Variants in CELF4 observed in about 807,000 individuals in gnomAD.
CELF4 encodes the protein CUG-BP- and ETR-3-like factor 4.
In CELF4, 18 loss-of-function variants were observed where a neutral mutation model predicts 59.9. The observed-to-expected ratio is 0.30, with a 90% confidence interval of 0.21 to 0.45. CELF4 has a LOEUF of 0.45. Among genes scored for constraint, CELF4 ranks in the 20% least tolerant of loss-of-function variants. CELF4 has a pLI of 1.00. For missense variants in CELF4, 456 were observed against 689.0 expected, an observed-to-expected ratio of 0.66 and a Z score of 3.79; for synonymous variants, 261 against 267.1, an observed-to-expected ratio of 0.98 and a Z score of 0.22.
chr18:37,413,331 T>A (rs1229436694), intron 2 of CELF4, among the ~76,000 whole-genome samples: 1 of 152,180 alleles, frequency 6.6e-6, no homozygotes, highest in Non-Finnish European at 1.5e-5. Context: ...TGTTCACCTA[T>A]GTCGGTGAGC....
intron 3 of CELF4, among the ~76,000 whole-genome samples, chr18:37,286,978 T>A (rs1035092459): frequency 2.0e-5 from 3 of 152,110 alleles, no homozygotes; most frequent in African/African-American, 7.2e-5. Flanking sequence ...AGTCCTGCCC[T>A]GTAGCACCAG....
intron 12 of CELF4, among the ~76,000 whole-genome samples, chr18:37,247,720 A>C (rs2062937030): frequency 6.6e-6 from 1 of 151,886 alleles, no homozygotes; most frequent in Non-Finnish European, 1.5e-5. Context: ...CAGAAGCAGA[A>C]CCTCACACAG....
chr18:37,335,998 C>T (rs2097760333), intron 2 of CELF4, among the ~76,000 whole-genome samples: 1 of 152,156 alleles, frequency 6.6e-6, no homozygotes, highest in South Asian at 2.1e-4. Flanking sequence ...AACTCTATTC[C>T]AGCCATTCAT....
chr18:37,514,158 G>A (rs1366751123), intron 1 of CELF4, among the ~76,000 whole-genome samples: 1 of 152,106 alleles, frequency 6.6e-6, no homozygotes, highest in African/African-American at 2.4e-5. Context: ...CCTGTACCCT[G>A]ACCCATCTCA....
chr18:37,274,658 TG>T, intron 5 of CELF4, 146 bp downstream of exon 5: 1 of 1,484,076 alleles, frequency 6.7e-7, no homozygotes, highest in Admixed American at 2.4e-5. Flanking sequence ...TTAACATCCC[TG>T]GGCTTCCGCG....
chr18:37,411,844 G>A (rs745487194), intron 2 of CELF4, among the ~76,000 whole-genome samples: 2 of 152,214 alleles, frequency 1.3e-5, no homozygotes, highest in Non-Finnish European at 2.9e-5. Context: ...TAGTTCAGCT[G>A]TGCCAACTGT....
chr18:37,445,451 G>A (rs918120634), intron 2 of CELF4, among the ~76,000 whole-genome samples: 1 of 151,992 alleles, frequency 6.6e-6, no homozygotes, highest in Non-Finnish European at 1.5e-5. Context: ...GTCTGGGGTC[G>A]GTAGTCACAG....
chr18:37,449,512 G>C (rs2099757225), intron 2 of CELF4, among the ~76,000 whole-genome samples: 1 of 152,164 alleles, frequency 6.6e-6, no homozygotes, highest in African/African-American at 2.4e-5. Flanking sequence ...CTGAGTGACA[G>C]GCCCTGTTCC....
rs1371481520 is a variant in CELF4, at chr18:37,253,250, C to A, written c.*44+517G>T. ...CTTAGTAAAGTTCCCTTTGAAAGAT[C>A]CTGTCCTTCCTCTCTTCACTGAGCT... On this transcript the variant is annotated intron_variant, in intron 12 of 12. Transcript: ENST00000420428. This position sits in a 1 kb window ranked among gnomAD's most constrained non-coding sequence, Gnocchi z 4.5. 1.3e-5 allele frequency among the ~76,000 whole-genome samples: 2 copies of A among 152,198 alleles called. No homozygotes were observed. The highest frequency in any genetic ancestry group is 2.9e-5 in the Non-Finnish European group (2 of 68,046).
At chr18:37,326,170 C>T (rs150317436) in intron 2 of CELF4, among the ~76,000 whole-genome samples, 5 of 152,022 alleles carry the variant, frequency 3.3e-5, no homozygotes, top group African/African-American at 9.7e-5. Flanking sequence ...GACGACAGAG[C>T]GAGGGGAGAG....
At chr18:37,438,655 G>A (rs1224536339) in intron 2 of CELF4, among the ~76,000 whole-genome samples, 1 of 152,196 alleles carries the variant, frequency 6.6e-6, no homozygotes, top group African/African-American at 2.4e-5. Context: ...ACTGAATCCA[G>A]CCAGAAAAAA....
At chr18:37,556,901 T>C (rs1568288266) in intron 1 of CELF4, among the ~76,000 whole-genome samples, 1 of 152,170 alleles carries the variant, frequency 6.6e-6, no homozygotes, top group East Asian at 1.9e-4. Flanking sequence ...AAGTCACCTG[T>C]CAGTTTGTAG....
At chr18:37,395,357 G>T (rs1161234754) in intron 2 of CELF4, among the ~76,000 whole-genome samples, 1 of 152,094 alleles carries the variant, frequency 6.6e-6, no homozygotes, top group Non-Finnish European at 1.5e-5. Flanking sequence ...TGTGTTAAAG[G>T]CCAGACACGT....
intron 1 of CELF4, among the ~76,000 whole-genome samples, chr18:37,503,082 C>T (rs536394124): frequency 1.6e-4 from 25 of 152,264 alleles, no homozygotes; most frequent in African/African-American, 5.1e-4. Flanking sequence ...ACAGAGGGGT[C>T]GGATGGAATG....
At chr18:37,551,409 C>T (rs966007809) in intron 1 of CELF4, among the ~76,000 whole-genome samples, 20 of 152,212 alleles carry the variant, frequency 1.3e-4, no homozygotes, top group Admixed American at 7.2e-4. Context: ...CTGCTCAGGA[C>T]GTTGCCCAGG....
intron 2 of CELF4, among the ~76,000 whole-genome samples, chr18:37,454,208 G>A (rs191226742): frequency 1.3e-5 from 2 of 152,330 alleles, no homozygotes; most frequent in Admixed American, 1.3e-4. Context: ...ATATCCCTTT[G>A]CATCCCAACA....
At position 37,287,746 on chromosome 18, in the gene CELF4, C is replaced by CT. The variant is rs138999655; in HGVS notation, c.449-12504dup. The stretch of plus-strand genomic sequence containing the variant: ...AAGTACACGGTGTATTAACTCATGA[C>CT]TGATAATGGACTGCAGATAGACATA... On this transcript the variant is annotated intron_variant, in intron 3 of 12. Transcript: ENST00000420428. Among the ~76,000 whole-genome samples, 816 of 152,238 alleles carry CT rather than the reference C, an allele frequency of 5.4e-3. 3 individuals are homozygous for CT. Among genetic ancestry groups the CT allele is most frequent in the Non-Finnish European group, 7.5e-3 (513 of 68,020 alleles).
At chr18:37,421,444 G>A (rs1191415434) in intron 2 of CELF4, among the ~76,000 whole-genome samples, 1 of 152,212 alleles carries the variant, frequency 6.6e-6, no homozygotes, top group Non-Finnish European at 1.5e-5. Context: ...TTCTTTAGCT[G>A]TGGTAGGCCA....
At chr18:37,465,424 C>A (rs755249663) in intron 2 of CELF4, among the ~76,000 whole-genome samples, 2 of 152,116 alleles carry the variant, frequency 1.3e-5, no homozygotes, top group Non-Finnish European at 2.9e-5. Flanking sequence ...TGAGTGCCAG[C>A]CGGGTTATGG....
Sources: gnomAD v4.1 joint callset for allele counts (sites outside exome capture counted in the v4.1 genomes callset) on GRCh38, gnomAD v4.1.1 for gene constraint, Gnocchi (gnomAD v3.1) non-coding constraint, MANE v1.5 for transcripts, NCBI Gene and HGNC (gene_info 2026-07-23, HGNC 2026-07-21) for gene names.